The following CRB1 variants were observed in gnomAD, a reference collection of about 807,000 sequenced individuals.
CRB1 encodes the protein protein crumbs homolog 1.
In CRB1, 83 loss-of-function variants were observed where a neutral mutation model predicts 120.0. The ratio of observed to expected loss-of-function variants is 0.69; its 90% CI spans 0.58 to 0.83. CRB1 has a LOEUF of 0.83. Among genes scored for constraint, CRB1 ranks in the 40% least tolerant of loss-of-function variants. The pLI, the probability that CRB1 is intolerant of heterozygous loss-of-function variation, is 0.00. For missense variants in CRB1, 1,699 were observed against 1,687.6 expected (o/e 1.01, Z -0.12); for synonymous variants, 625 against 612.5 (o/e 1.02, Z -0.30).
At position 197,340,474 on chromosome 1, in the gene CRB1, A is replaced by G. The variant is rs1400654210; in HGVS notation, c.653-3807A>G. The stretch of plus-strand genomic sequence containing the variant: ...AATTTAAGCAGACGAGGGTACAATT[A>G]TATTTGTACTTTATAGTGATCACAT... On this transcript the variant is annotated intron_variant, in intron 2 of 11. Transcript: ENST00000367400. Among the ~76,000 whole-genome samples the G allele has an allele frequency of 6.4e-5, 9 of 140,896 alleles. No homozygotes were observed. The East Asian group carries it at 1.5e-3, about 23-fold the overall frequency. The allele number at this position is 140,896 out of a possible 152,430, so 92.4% of individuals were successfully genotyped here.
Position 197,444,357 on chromosome 1 carries a change from A to G in CRB1, c.4005+2065A>G, listed in dbSNP as rs551160171. 2.0e-5 allele frequency: 3 copies of G among 152,310 alleles called. No individual in the cohort carries two copies. The East Asian group carries it at 5.8e-4, about 29-fold the overall frequency. 9.4% of individuals were successfully genotyped at this position (152,310 alleles called of 1,614,324 possible). On this transcript the variant is annotated intron_variant, in intron 11 of 11. Coordinates refer to ENST00000367400, the MANE Select transcript of CRB1 (RefSeq NM_201253.3). ...TTACTCATCCATTTTCTTCACATCCAAGGCTGAACGTGTGATGCTGCTGCT... is the reference window on the plus strand; with the variant it reads ...TTACTCATCCATTTTCTTCACATCCGAGGCTGAACGTGTGATGCTGCTGCT...
rs141796266 is a variant in CRB1, at chr1:197,382,301, C to T, written c.1171+25288C>T. 1.4e-4 allele frequency among the ~76,000 whole-genome samples: 21 copies of T among 152,236 alleles called. No individual in the cohort carries two copies. In the East Asian group the frequency reaches 4.0e-3, roughly 29 times the overall value. Reference sequence around the variant, plus strand: ...GTATTTGCCATCATTAAATATCCCCCTAGAGGGCAGGTACTTAGGGCTCAT... The same window carrying T: ...GTATTTGCCATCATTAAATATCCCCTTAGAGGGCAGGTACTTAGGGCTCAT... On this transcript the variant is annotated intron_variant, in intron 5 of 11. Coordinates refer to ENST00000367400, the MANE Select transcript of CRB1 (RefSeq NM_201253.3).
chr1:197,342,099 G>A (rs532680257), intron 2 of CRB1, among the ~76,000 whole-genome samples: 7 of 152,296 alleles, frequency 4.6e-5, no homozygotes, highest in South Asian at 2.1e-4. Context: ...TATGGACCAT[G>A]CTTTTGGAAT....
intron 1 of CRB1, among the ~76,000 whole-genome samples, chr1:197,319,155 C>G (rs1426301693): frequency 1.3e-5 from 2 of 148,586 alleles, no homozygotes; most frequent in East Asian, 4.0e-4. Flanking sequence ...CTAAAATGCT[C>G]AATGATGGCT....
At chr1:197,237,220 A>T in the CRB1 span, among the ~76,000 whole-genome samples, 1 of 152,178 alleles carries the variant, frequency 6.6e-6, no homozygotes, top group African/African-American at 2.4e-5. Flanking sequence ...TCTTTATTAC[A>T]TATTACCTTT....
chr1:197,213,818 A>G, the CRB1 span, among the ~76,000 whole-genome samples: 2 of 152,134 alleles, frequency 1.3e-5, no homozygotes, highest in Admixed American at 1.3e-4. Context: ...AGGGAAATTT[A>G]AAAACATATT....
At chr1:197,227,394 T>TTTTTC in the CRB1 span, among the ~76,000 whole-genome samples, 896 of 129,884 alleles carry the variant, frequency 6.9e-3, 6 homozygotes, top group African/African-American at 0.029. Flanking sequence ...TTTCTTTTTC[T>TTTTTC]TTTTTTTTTT....
intron 5 of CRB1, among the ~76,000 whole-genome samples, chr1:197,405,176 C>A (rs1473938035): frequency 6.6e-6 from 1 of 152,132 alleles, no homozygotes; most frequent in East Asian, 1.9e-4. Flanking sequence ...AACCTCCCTG[C>A]CTGATTCTCC....
At chr1:197,378,406 T>G (rs1320169730) in intron 5 of CRB1, among the ~76,000 whole-genome samples, 1 of 152,232 alleles carries the variant, frequency 6.6e-6, no homozygotes, top group Admixed American at 6.5e-5. Context: ...TTAATCTTTC[T>G]CCATTTTTTC....
chr1:197,432,529 G>A (rs1163731991), intron 8 of CRB1, among the ~76,000 whole-genome samples: 4 of 151,996 alleles, frequency 2.6e-5, no homozygotes, highest in African/African-American at 9.7e-5. Context: ...TCAGGATACA[G>A]GATGGAGTTA....
intron 5 of CRB1, among the ~76,000 whole-genome samples, chr1:197,372,729 TAAAA>T (rs1280343687): frequency 4.0e-5 from 6 of 149,018 alleles, no homozygotes; most frequent in Non-Finnish European, 7.5e-5. Flanking sequence ...AAAAAACAAA[TAAAA>T]AAACTGAAAC....
the CRB1 span, among the ~76,000 whole-genome samples, chr1:197,210,686 G>C: frequency 6.6e-6 from 1 of 151,982 alleles, no homozygotes; most frequent in African/African-American, 2.4e-5. Flanking sequence ...AATAAAACTT[G>C]AAAACAATGT....
Position 197,379,616 on chromosome 1 carries a change from A to C in CRB1, c.1171+22603A>C, listed in dbSNP as rs1046633973. The stretch of plus-strand genomic sequence containing the variant: ...AGCCCGGCCCCGGCCAAAAAAAAAA[A>C]AAAAAAAAAAAAACCATTTTTCTAG... On this transcript the variant is annotated intron_variant, in intron 5 of 11. Coordinates refer to ENST00000367400, the MANE Select transcript of CRB1 (RefSeq NM_201253.3). Among the ~76,000 whole-genome samples the C allele has an allele frequency of 6.6e-5, 10 of 151,970 alleles. No homozygotes were observed. The South Asian group carries it at 8.3e-4, about 13-fold the overall frequency.
intron 5 of CRB1, among the ~76,000 whole-genome samples, chr1:197,388,218 T>A (rs748769670): frequency 1.3e-5 from 2 of 152,026 alleles, no homozygotes; most frequent in Non-Finnish European, 2.9e-5. Context: ...GAAGACAAAT[T>A]ACTAAGGCAC....
rs748175297 is a variant in CRB1 at position 197,421,882 on chromosome 1, G to C, written c.2054G>C (p.Gly685Ala). The change falls in exon 6 of 12, where the codon GGA (glycine) becomes GCA (alanine). Residue 685 changes from glycine (G) to alanine (A), a missense_variant. Physicochemically the swap from Gly to Ala is moderately conservative, Grantham distance 60. Transcript: ENST00000367400. ...GAAAGCCAACCTTGTCAAAGCAGAG[G>C]ACGCTGCATCAACTTGTGGCTGAGT... Reference protein sequence around the residue: ...WCESQPCQSRGRCINLWLSYQ... With the variant: ...WCESQPCQSRARCINLWLSYQ... The C allele has an allele frequency of 1.2e-6, 2 of 1,614,220 alleles. No homozygotes were observed. The highest frequency in any genetic ancestry group is 3.3e-5 in the Admixed American group (2 of 60,022).
chr1:197,256,844 T>C, the CRB1 span, among the ~76,000 whole-genome samples: 1 of 150,004 alleles, frequency 6.7e-6, no homozygotes, highest in Non-Finnish European at 1.5e-5. Context: ...CAAAAAAAAC[T>C]TGGAGGGTGT....
At chr1:197,370,652 G>A (rs1399876829) in intron 5 of CRB1, among the ~76,000 whole-genome samples, 1 of 151,986 alleles carries the variant, frequency 6.6e-6, no homozygotes, top group African/African-American at 2.4e-5. Context: ...AAAACCTCTG[G>A]GATACAGCAA....
intron 11 of CRB1, among the ~76,000 whole-genome samples, chr1:197,449,646 G>A (rs796286866): frequency 8.5e-5 from 13 of 152,300 alleles, no homozygotes; most frequent in African/African-American, 2.2e-4. Context: ...AATTACAAGC[G>A]TGAGCCACCA....
chr1:197,436,796 C>A (rs1402768701), intron 9 of CRB1, among the ~76,000 whole-genome samples: 1 of 152,082 alleles, frequency 6.6e-6, no homozygotes, highest in South Asian at 2.1e-4. Context: ...CTACAACTTA[C>A]AGAATTGTAA....
Sources: allele counts gnomAD v4.1 joint callset (sites outside exome capture counted in the v4.1 genomes callset), GRCh38; gene constraint gnomAD v4.1.1; transcripts MANE v1.5; gene names NCBI Gene and HGNC (gene_info 2026-07-23, HGNC 2026-07-21).